ARHGEF7: variants seen among roughly 807,000 people sequenced by gnomAD.
ARHGEF7 encodes the protein PAK-interacting exchange factor beta.
ARHGEF7 carries 33 observed loss-of-function variants against 109.8 expected under a neutral mutation model. The observed-to-expected ratio is 0.30, with a 90% CI of 0.23 to 0.40. The LOEUF (loss-of-function observed/expected upper bound fraction) is 0.40. Ranked by LOEUF, ARHGEF7 falls within the 10% of genes least tolerant of loss-of-function variation. The probability of loss-of-function intolerance (pLI) is 1.00; values close to 1 mark genes in which losing one functional copy is unlikely to be tolerated. For synonymous variants in ARHGEF7, 458 were observed against 424.6 expected, an observed-to-expected ratio of 1.08 and a Z score of -0.97; for missense variants, 938 against 1,098.5, an observed-to-expected ratio of 0.85 and a Z score of 2.07.
chr13:111,282,827 A>C, intron 15 of ARHGEF7: 3 of 450,788 alleles, frequency 6.7e-6, no homozygotes, highest in Non-Finnish European at 1.2e-5. Flanking sequence ...CCTTTTTTCT[A>C]TAAATGTTAC....
At chr13:111,286,087 TATGC>T in intron 16 of ARHGEF7, 56 bp from the exon 17 acceptor site, 1 of 1,348,172 alleles carries the variant, frequency 7.4e-7, no homozygotes, top group Admixed American at 1.7e-5. Flanking sequence ...GCCTTTCTGA[TATGC>T]CAGTGAAAAT....
intron 19 of ARHGEF7, chr13:111,293,557 G>A (rs1293468902): frequency 1.1e-5 from 11 of 985,044 alleles, no homozygotes; most frequent in Non-Finnish European, 1.3e-5. Flanking sequence ...GCATTCAGTT[G>A]TAGCATCAAA....
In ARHGEF7 at chr13:111,283,206, C is replaced by G; in HGVS notation, c.1793C>G (p.Ala598Gly). ...AGCAAGCCCGCGCCGCTGACGCCCG[C>G]CTACCACACGCTGCCCCACCCCTCC... ...ADSKPAPLTP[A>G]YHTLPHPSHH... The change falls in exon 16 of 22, where the codon GCC (alanine) becomes GGC (glycine). Residue 598 changes from alanine (A) to glycine (G), a missense_variant. By Grantham distance (60) the Ala-to-Gly change is moderately conservative. Around this residue, in one of 4 missense-constraint regions of ARHGEF7, gnomAD observed 585 missense variants for 723.6 expected, o/e 0.81. Transcript: ENST00000646102. 6.3e-7 allele frequency: 1 copy of G among 1,598,170 alleles called. No individual in the cohort carries two copies. Among genetic ancestry groups the G allele is most frequent in the East Asian group, 2.3e-5 (1 of 44,322 alleles).
intron 4 of ARHGEF7, among the ~76,000 whole-genome samples, chr13:111,213,339 A>G (rs1285761582): frequency 6.6e-6 from 1 of 152,172 alleles, no homozygotes; most frequent in Admixed American, 6.5e-5. Context: ...ACTCCCCTCC[A>G]GTTACTAAAT....
chr13:111,261,392 G>A (rs2091076436), intron 8 of ARHGEF7, among the ~76,000 whole-genome samples: 1 of 152,120 alleles, frequency 6.6e-6, no homozygotes, highest in South Asian at 2.1e-4. Flanking sequence ...TAATGATAAA[G>A]GGGTCAATTC....
At chr13:111,268,372 G>T (rs1313873592) in intron 9 of ARHGEF7, among the ~76,000 whole-genome samples, 2 of 152,052 alleles carry the variant, frequency 1.3e-5, no homozygotes, top group African/African-American at 4.8e-5. Context: ...TTAATACAAA[G>T]ATTTGTATTA....
intron 8 of ARHGEF7, chr13:111,267,003 G>A (rs1595361473): frequency 2.3e-6 from 1 of 433,210 alleles, no homozygotes; most frequent in South Asian, 1.6e-5. Context: ...GCTGGTTCTG[G>A]TAGTCTCTTC....
At chr13:111,177,362 A>G (rs1028538469) in intron 2 of ARHGEF7, among the ~76,000 whole-genome samples, 4 of 152,176 alleles carry the variant, frequency 2.6e-5, no homozygotes, top group East Asian at 1.9e-4. Context: ...AGGAGTCCAC[A>G]TTCTTCCTGT....
Position 111,244,078 on chromosome 13 carries a change from G to A in ARHGEF7, c.854+112G>A. 4 of 1,215,682 alleles carry A rather than the reference G, an allele frequency of 3.3e-6. No individual in the cohort carries two copies. The East Asian group carries it at 9.8e-5, about 30-fold the overall frequency. The allele number at this position is 1,215,682 out of a possible 1,614,324, so 75.3% of individuals were successfully genotyped here. On this transcript the variant is annotated intron_variant, in intron 7 of 21. Transcript: ENST00000646102. ...TAGTGAAACAAAATTTAGTGTACCAGTTTGCCTTAGACATCAGCTGTTTAT... is the reference window on the plus strand; with the variant it reads ...TAGTGAAACAAAATTTAGTGTACCAATTTGCCTTAGACATCAGCTGTTTAT...
chr13:111,154,158 G>A (rs1317634424), intron 2 of ARHGEF7, among the ~76,000 whole-genome samples, 167 bp downstream of exon 2: 1 of 151,942 alleles, frequency 6.6e-6, no homozygotes, highest in Non-Finnish European at 1.5e-5. Context: ...GCGGGTTTGG[G>A]TAATGGCCGG....
chr13:111,191,011 T>C (rs114893451), intron 2 of ARHGEF7, among the ~76,000 whole-genome samples: 1,793 of 152,250 alleles, frequency 0.012, 28 homozygotes, highest in African/African-American at 0.039. Context: ...CTAGGAACCA[T>C]TCATTAGAGA....
chr13:111,256,001 A>G (rs1185829671), intron 8 of ARHGEF7, among the ~76,000 whole-genome samples: 4 of 152,194 alleles, frequency 2.6e-5, no homozygotes, highest in African/African-American at 9.7e-5. Flanking sequence ...TTTAATGTCG[A>G]TATTTTAATT....
intron 2 of ARHGEF7, among the ~76,000 whole-genome samples, chr13:111,200,649 T>C (rs1318315946): frequency 2.6e-5 from 4 of 152,216 alleles, no homozygotes; most frequent in South Asian, 2.1e-4. Flanking sequence ...ATTAACGCCA[T>C]GTTCTGACAT....
At chr13:111,297,757 G>A (rs558535962) in intron 19 of ARHGEF7, among the ~76,000 whole-genome samples, 7 of 152,166 alleles carry the variant, frequency 4.6e-5, no homozygotes, top group Non-Finnish European at 8.8e-5. Context: ...AGTCGACCCC[G>A]TGTCTGACCC....
intron 9 of ARHGEF7, 104 bp downstream of exon 9, chr13:111,267,774 G>T: frequency 7.2e-7 from 1 of 1,396,244 alleles, no homozygotes; most frequent in African/African-American, 1.5e-5. Flanking sequence ...GTTATTAAAG[G>T]GTATGAATTT....
intron 8 of ARHGEF7, among the ~76,000 whole-genome samples, chr13:111,267,299 G>T (rs2091734607): frequency 2.0e-5 from 3 of 152,166 alleles, no homozygotes; most frequent in African/African-American, 7.2e-5. Context: ...TGGGCCTGAG[G>T]GTTGGTTGGG....
chr13:111,217,999 C>A, intron 5 of ARHGEF7, 119 bp downstream of exon 5: 1 of 1,056,174 alleles, frequency 9.5e-7, no homozygotes, highest in Non-Finnish European at 1.3e-6. Context: ...TCTTAGGATA[C>A]AGTTTTTTGT....
chr13:111,232,226 A>G (rs967163440), intron 5 of ARHGEF7, among the ~76,000 whole-genome samples: 3 of 152,132 alleles, frequency 2.0e-5, no homozygotes, highest in Non-Finnish European at 4.4e-5. Context: ...CCATAAAACC[A>G]TTGAGAGACA....
chr13:111,147,690 C>CTTTTTT (rs11463808), intron 1 of ARHGEF7, among the ~76,000 whole-genome samples: 17 of 82,388 alleles, frequency 2.1e-4, no homozygotes, highest in East Asian at 3.2e-4. Context: ...CAGAGGTCAC[C>CTTTTTT]TTTTTTTTTT....
Sources: allele counts gnomAD v4.1 joint callset (sites outside exome capture counted in the v4.1 genomes callset), GRCh38; gene constraint gnomAD v4.1.1; regional missense constraint gnomAD v4.1.1; transcripts MANE v1.5; gene names NCBI Gene and HGNC (gene_info 2026-07-23, HGNC 2026-07-21).